Variants in CACNG2 observed in about 807,000 individuals in gnomAD.
CACNG2 encodes the protein calcium voltage-gated channel auxiliary subunit gamma 2, also known as voltage-dependent calcium channel gamma-2 subunit.
A neutral mutation model predicts 25.9 loss-of-function variants in CACNG2; 3 were observed. That is an observed-to-expected ratio of 0.12 (90% CI 0.05 to 0.30). The LOEUF (loss-of-function observed/expected upper bound fraction) is 0.30, where lower values mean the gene tolerates loss of function less well. Among genes scored for constraint, CACNG2 ranks in the 10% least tolerant of loss-of-function variants. The probability of loss-of-function intolerance (pLI) is 1.00; values close to 1 mark genes in which losing one functional copy is unlikely to be tolerated. For synonymous variants in CACNG2, 167 were observed against 173.3 expected (o/e 0.96, Z 0.29); for missense variants, 341 against 432.5 (o/e 0.79, Z 1.88).
At chr22:36,687,688 G>A (rs560951671) in intron 1 of CACNG2, among the ~76,000 whole-genome samples, 5 of 152,304 alleles carry the variant, frequency 3.3e-5, no homozygotes, top group South Asian at 4.1e-4. Flanking sequence ...GCTAATCAGC[G>A]GACTGTAAGA....
chr22:36,604,257 A>G (rs867635604), intron 1 of CACNG2, among the ~76,000 whole-genome samples: 6 of 152,224 alleles, frequency 3.9e-5, no homozygotes, highest in African/African-American at 1.4e-4. Flanking sequence ...ATCTCATGAT[A>G]AAACTTGAGT....
rs1242915300 is a variant in CACNG2, at chr22:36,593,655, TA to T, written c.212-6108del. Among the ~76,000 whole-genome samples, 66 of 151,946 alleles carry T rather than the reference TA, an allele frequency of 4.3e-4. 1 individual carries two copies. Among genetic ancestry groups the T allele is most frequent in the African/African-American group, 1.5e-3 (61 of 41,434 alleles). ...CAAGGATTTAGGAGGGCGGGGGAGTTAGAGATCCAGCCAGATCAGAGGACAC... is the reference window on the plus strand; with the variant it reads ...CAAGGATTTAGGAGGGCGGGGGAGTTGAGATCCAGCCAGATCAGAGGACAC... On this transcript the variant is annotated intron_variant, in intron 1 of 3. Coordinates refer to ENST00000300105, the MANE Select transcript of CACNG2 (RefSeq NM_006078.5).
intron 2 of CACNG2, among the ~76,000 whole-genome samples, chr22:36,578,681 C>G (rs1935365007): frequency 6.6e-6 from 1 of 152,138 alleles, no homozygotes; most frequent in Non-Finnish European, 1.5e-5. Flanking sequence ...CTGTCTGAGG[C>G]CAGGAAGGGT....
chr22:36,697,242 T>C (rs148363052), intron 1 of CACNG2, among the ~76,000 whole-genome samples: 4 of 152,166 alleles, frequency 2.6e-5, no homozygotes, highest in East Asian at 3.9e-4. Flanking sequence ...GCAAAGCAGC[T>C]CAAGATGGCA....
At chr22:36,583,879 T>C (rs1049092620) in intron 2 of CACNG2, among the ~76,000 whole-genome samples, 1 of 152,208 alleles carries the variant, frequency 6.6e-6, no homozygotes, top group Admixed American at 6.5e-5. Context: ...TCCTCTGCTG[T>C]CTCTGCTGTA....
chr22:36,574,201 C>T (rs530871038), intron 2 of CACNG2, among the ~76,000 whole-genome samples: 12 of 152,148 alleles, frequency 7.9e-5, no homozygotes, highest in African/African-American at 1.2e-4. Flanking sequence ...AAGAAGCAAA[C>T]GGATTACGAA....
At chr22:36,653,367 T>A (rs1395106703) in intron 1 of CACNG2, among the ~76,000 whole-genome samples, 1 of 133,438 alleles carries the variant, frequency 7.5e-6, no homozygotes, top group Non-Finnish European at 1.5e-5. Flanking sequence ...TTGCTAACAT[T>A]GAAAAATTGG....
intron 2 of CACNG2, among the ~76,000 whole-genome samples, chr22:36,575,567 G>C (rs1935299084): frequency 6.6e-6 from 1 of 152,128 alleles, no homozygotes; most frequent in Non-Finnish European, 1.5e-5. Flanking sequence ...CAGGAGACCT[G>C]GGCCTGCTGT....
intron 1 of CACNG2, among the ~76,000 whole-genome samples, chr22:36,593,088 G>A (rs1434452989): frequency 6.6e-6 from 1 of 152,210 alleles, no homozygotes; most frequent in Non-Finnish European, 1.5e-5. Flanking sequence ...AGAGGAGATG[G>A]AGCCTTGGTC....
intron 2 of CACNG2, among the ~76,000 whole-genome samples, chr22:36,582,141 G>A (rs1009922954): frequency 2.6e-5 from 4 of 152,194 alleles, no homozygotes; most frequent in Non-Finnish European, 4.4e-5. Context: ...TAACTCTTCT[G>A]TCGGCTTCTG....
Position 36,563,913 on chromosome 22 carries a change from CA to C in CACNG2, c.*437del, listed in dbSNP as rs1477290089. 5 of 91,350 alleles carry C rather than the reference CA, an allele frequency of 5.5e-5. No homozygotes were observed. The highest frequency in any genetic ancestry group is 2.3e-4 in the African/African-American group (5 of 21,332). The allele number at this position is 91,350 out of a possible 1,614,324, so 5.7% of individuals were successfully genotyped here. On this transcript the variant is annotated 3_prime_UTR_variant, in exon 4 of 4. Coordinates refer to ENST00000300105, the MANE Select transcript of CACNG2 (RefSeq NM_006078.5). ...GGACATCCCCTTTCCTTTCTGTTCT[CA>C]TTTTTTTTTTTTTTGCTTTAATGTT...
intron 1 of CACNG2, among the ~76,000 whole-genome samples, chr22:36,599,712 A>G (rs1344387042): frequency 4.6e-5 from 7 of 152,170 alleles, no homozygotes. Flanking sequence ...AGAAAAAAAA[A>G]AGAATGTTTT....
Position 36,571,799 on chromosome 22 carries a change from C to T in CACNG2, c.296-5306G>A, listed in dbSNP as rs573137755. Among the ~76,000 whole-genome samples, 8 of 151,474 alleles carry T rather than the reference C, an allele frequency of 5.3e-5. No homozygotes were observed. The South Asian group carries it at 1.0e-3, about 20-fold the overall frequency. Reference sequence around the variant, plus strand: ...GGCTGAGGCAGGAGAATCGCTTGAACGCGGGAGGCAGAGGTTGCAGTGAGC... The same window carrying T: ...GGCTGAGGCAGGAGAATCGCTTGAATGCGGGAGGCAGAGGTTGCAGTGAGC... On this transcript the variant is annotated intron_variant, in intron 2 of 3. Transcript: ENST00000300105.
chr22:36,703,262 GGCA>G lies in CACNG2; in HGVS notation c.-689_-687del. ...CAGCGGCGGCGGCGGCGGCGGCGGC[GGCA>G]GGGCGGGCAGGCGCGGCGGCGGCGG... On this transcript the variant is annotated 5_prime_UTR_variant, in exon 1 of 4. Transcript: ENST00000300105. 6.3e-6 allele frequency: 1 copy of G among 157,740 alleles called. No individual in the cohort carries two copies. The highest frequency in any genetic ancestry group is 1.3e-5 in the Non-Finnish European group (1 of 74,466). The allele number at this position is 157,740 out of a possible 1,614,324, so 9.8% of individuals were successfully genotyped here.
intron 1 of CACNG2, among the ~76,000 whole-genome samples, chr22:36,610,521 C>T (rs2145940779): frequency 6.6e-6 from 1 of 152,336 alleles, no homozygotes; most frequent in East Asian, 1.9e-4. Flanking sequence ...TGAATAAAAA[C>T]ACTTTGGAAG....
chr22:36,651,493 T>C (rs1177856803), intron 1 of CACNG2, among the ~76,000 whole-genome samples: 2 of 152,108 alleles, frequency 1.3e-5, no homozygotes, highest in Non-Finnish European at 2.9e-5. Flanking sequence ...CCTCCCAAAG[T>C]GCTGGGATTA....
intron 1 of CACNG2, among the ~76,000 whole-genome samples, chr22:36,685,592 A>C (rs1288085724): frequency 6.6e-6 from 1 of 152,090 alleles, no homozygotes; most frequent in Non-Finnish European, 1.5e-5. Context: ...GCCGAGGCCC[A>C]TCGGGAAGCC....
chr22:36,634,758 T>C (rs1415311120), intron 1 of CACNG2, among the ~76,000 whole-genome samples: 1 of 152,190 alleles, frequency 6.6e-6, no homozygotes, highest in East Asian at 1.9e-4. Flanking sequence ...ACTCAAGAAG[T>C]ATAAAACATA....
chr22:36,634,043 A>T (rs910826329), intron 1 of CACNG2, among the ~76,000 whole-genome samples: 1 of 152,230 alleles, frequency 6.6e-6, no homozygotes, highest in African/African-American at 2.4e-5. Flanking sequence ...ATAGACTTTC[A>T]AGCCATACAG....
Sources: gnomAD v4.1 joint callset for allele counts (sites outside exome capture counted in the v4.1 genomes callset) on GRCh38, gnomAD v4.1.1 for gene constraint, MANE v1.5 for transcripts, NCBI Gene and HGNC (gene_info 2026-07-23, HGNC 2026-07-21) for gene names.